RBFOX1: variants seen among roughly 807,000 people sequenced by gnomAD.
RBFOX1 encodes the protein RNA binding protein fox-1 homolog 1.
In RBFOX1, 8 loss-of-function variants were observed where a neutral mutation model predicts 57.7. The ratio of observed to expected loss-of-function variants is 0.14; its 90% CI spans 0.08 to 0.25. The LOEUF (loss-of-function observed/expected upper bound fraction) is 0.25, where lower values mean the gene tolerates loss of function less well. Among genes scored for constraint, RBFOX1 ranks in the 10% least tolerant of loss-of-function variants. The pLI is 1.00. For missense variants in RBFOX1, 611 were observed against 548.5 expected, an observed-to-expected ratio of 1.11 and a Z score of -1.14; for synonymous variants, 326 against 222.4, an observed-to-expected ratio of 1.47 and a Z score of -4.15.
At position 5,795,297 on chromosome 16, in the gene RBFOX1, C is replaced by T. The variant is rs371550344; in HGVS notation, c.319-72006C>T. Among the ~76,000 whole-genome samples the T allele has an allele frequency of 3.9e-5, 6 of 151,938 alleles. No homozygotes were observed. In the East Asian group the frequency reaches 1.2e-3, roughly 29 times the overall value. On this transcript the variant is annotated intron_variant, in intron 3 of 19. Transcript: ENST00000641259. The stretch of plus-strand genomic sequence containing the variant: ...TGTTCCACCTTATTGTCTTCCACTT[C>T]TTCCTTCTTCTTTTTTTTTTTCTTG...
intron 3 of RBFOX1, among the ~76,000 whole-genome samples, chr16:6,687,638 A>G (rs955361850): frequency 6.6e-6 from 1 of 152,168 alleles, no homozygotes; most frequent in Non-Finnish European, 1.5e-5. Flanking sequence ...TCCAAGGGGA[A>G]GTGCCAGGAT....
chr16:7,237,952 C>T (rs140847672), intron 4 of RBFOX1, among the ~76,000 whole-genome samples: 5 of 152,150 alleles, frequency 3.3e-5, no homozygotes, highest in Admixed American at 2.0e-4. Flanking sequence ...TACAGTGAGC[C>T]CACGTCGCGT....
chr16:5,870,423 A>G (rs1417702834), intron 4 of RBFOX1, among the ~76,000 whole-genome samples: 1 of 151,314 alleles, frequency 6.6e-6, no homozygotes, highest in Non-Finnish European at 1.5e-5. Context: ...AAAGAGAGAA[A>G]ACACAAAATG....
At chr16:6,496,266 T>C (rs1163525109) in intron 2 of RBFOX1, among the ~76,000 whole-genome samples, 1 of 152,232 alleles carries the variant, frequency 6.6e-6, no homozygotes, top group African/African-American at 2.4e-5. Flanking sequence ...GTGACCACTC[T>C]GAAAGGAAAT....
intron 4 of RBFOX1, among the ~76,000 whole-genome samples, chr16:7,054,757 G>T (rs1412413156): frequency 6.6e-6 from 1 of 152,178 alleles, no homozygotes; most frequent in Non-Finnish European, 1.5e-5. Context: ...CAGTCAAAAT[G>T]CATTTCCAGA....
chr16:5,875,249 A>G (rs1018889037), intron 4 of RBFOX1, among the ~76,000 whole-genome samples: 4 of 152,200 alleles, frequency 2.6e-5, no homozygotes, highest in Admixed American at 2.6e-4. Flanking sequence ...CAGACAAAAA[A>G]ACTGAGATGT....
intron 1 of RBFOX1, among the ~76,000 whole-genome samples, chr16:6,256,175 A>ATATATGTATATATATG (rs71145207): frequency 0.49 from 12,281 of 25,068 alleles, 5,100 homozygotes; most frequent in Non-Finnish European, 0.74. Flanking sequence ...ATATATGTAT[A>ATATATGTATATATATG]TATATATATA....
chr16:5,860,364 C>T (rs560714043), intron 3 of RBFOX1, among the ~76,000 whole-genome samples: 5 of 152,234 alleles, frequency 3.3e-5, no homozygotes, highest in Admixed American at 6.5e-5. Context: ...CGTGAGCCAC[C>T]GCGCCTGGCC....
At chr16:7,644,933 G>C (rs776684805) in intron 11 of RBFOX1, among the ~76,000 whole-genome samples, 1 of 152,080 alleles carries the variant, frequency 6.6e-6, no homozygotes, top group Non-Finnish European at 1.5e-5. Context: ...CTGGACAAAG[G>C]AGAGAGAATC....
chr16:7,201,054 G>A lies in RBFOX1; in HGVS notation c.27+148956G>A, dbSNP rs147172546. ...AAATAGCAACCAAATTGAATTTTAT[G>A]AGATCAGTGTGGGAATCACAAATAT... On this transcript the variant is annotated intron_variant, in intron 4 of 15. Transcript: ENST00000550418. Among the ~76,000 whole-genome samples, 943 of 152,314 alleles carry A rather than the reference G, an allele frequency of 6.2e-3. 4 individuals are homozygous for A. Among genetic ancestry groups the A allele is most frequent in the Non-Finnish European group, 7.2e-3 (488 of 68,022 alleles).
intron 4 of RBFOX1, among the ~76,000 whole-genome samples, chr16:5,974,854 C>A (rs2060030986): frequency 6.6e-6 from 1 of 151,620 alleles, no homozygotes; most frequent in African/African-American, 2.4e-5. Context: ...ATTAAAAATA[C>A]AAAATTAGCC....
chr16:5,454,071 G>T (rs759992716), intron 1 of RBFOX1, among the ~76,000 whole-genome samples: 2 of 152,240 alleles, frequency 1.3e-5, no homozygotes, highest in Non-Finnish European at 2.9e-5. Flanking sequence ...AGAGGTGGCT[G>T]AGGCCAAATC....
chr16:5,324,034 T>C (rs2007657), intron 1 of RBFOX1, among the ~76,000 whole-genome samples: 116,903 of 152,246 alleles, frequency 0.77, 48,277 homozygotes, highest in East Asian at 0.99. Flanking sequence ...GGGCATCACA[T>C]GAGTCTCTTT....
At chr16:5,867,910 C>A (rs1001167719) in intron 4 of RBFOX1, among the ~76,000 whole-genome samples, 1 of 152,034 alleles carries the variant, frequency 6.6e-6, no homozygotes, top group Non-Finnish European at 1.5e-5. Flanking sequence ...CAGGGTTTCA[C>A]CATGTTGACC....
intron 3 of RBFOX1, among the ~76,000 whole-genome samples, chr16:5,756,223 C>CAAAAAAAAAA (rs5815266): frequency 2.4e-4 from 12 of 50,898 alleles, no homozygotes; most frequent in East Asian, 7.7e-4. Flanking sequence ...TCCACATAAG[C>CAAAAAAAAAA]AAAAAAAAAA....
intron 3 of RBFOX1, among the ~76,000 whole-genome samples, chr16:5,831,032 A>G (rs1328393826): frequency 6.6e-6 from 1 of 152,186 alleles, no homozygotes; most frequent in Non-Finnish European, 1.5e-5. Flanking sequence ...CTAATGCGTT[A>G]GTTGGCGAGT....
intron 1 of RBFOX1, among the ~76,000 whole-genome samples, chr16:6,246,746 C>T (rs560411858): frequency 4.6e-4 from 70 of 152,264 alleles, no homozygotes; most frequent in Middle Eastern, 3.4e-3. Context: ...GCTGGTGCTG[C>T]CGCGGTCTCT....
At chr16:6,292,681 T>C (rs2152725176) in intron 1 of RBFOX1, among the ~76,000 whole-genome samples, 1 of 152,320 alleles carries the variant, frequency 6.6e-6, no homozygotes, top group South Asian at 2.1e-4. Context: ...AGGCGAATTG[T>C]TATATTTGCA....
intron 3 of RBFOX1, among the ~76,000 whole-genome samples, chr16:5,768,896 C>G (rs2053881745): frequency 6.6e-6 from 1 of 151,920 alleles, no homozygotes; most frequent in Non-Finnish European, 1.5e-5. Context: ...TTGTTTTCCC[C>G]CTGTAACCCA....
Sources: allele counts gnomAD v4.1 joint callset (sites outside exome capture counted in the v4.1 genomes callset), GRCh38; gene constraint gnomAD v4.1.1; transcripts MANE v1.5; gene names NCBI Gene and HGNC (gene_info 2026-07-23, HGNC 2026-07-21).